Variants in PDSS2 observed in about 807,000 individuals in gnomAD.
PDSS2 encodes the protein decaprenyl diphosphate synthase subunit 2, also known as all trans-polyprenyl-diphosphate synthase PDSS2.
In PDSS2, 31 loss-of-function variants were observed where a neutral mutation model predicts 44.5. The observed-to-expected ratio is 0.70, with a 90% CI of 0.52 to 0.94. PDSS2 has a LOEUF of 0.94. Among genes scored for constraint, PDSS2 ranks in the 40% least tolerant of loss-of-function variants. The pLI is 0.00. For synonymous variants in PDSS2, 157 were observed against 180.3 expected, an observed-to-expected ratio of 0.87 and a Z score of 1.03; for missense variants, 452 against 482.2, an observed-to-expected ratio of 0.94 and a Z score of 0.59.
Position 107,277,978 on chromosome 6 carries a change from A to AAAAT in PDSS2, c.432-3755_432-3752dup, listed in dbSNP as rs531298621. Among the ~76,000 whole-genome samples the AAAAT allele has an allele frequency of 1.6e-3, 244 of 150,576 alleles. 4 individuals carry two copies. Among genetic ancestry groups the AAAAT allele is most frequent in the African/African-American group, 4.7e-3 (193 of 40,894 alleles). On this transcript the variant is annotated intron_variant, in intron 2 of 7. Transcript: ENST00000369037. ...CTGTCTCAAAAATAAATGAATAAAT[A>AAAAT]AAATAAATAAATAAATAAATAAATA... is the stretch of plus-strand genomic sequence containing the variant.
At chr6:107,367,989 G>A (rs760793420) in intron 1 of PDSS2, among the ~76,000 whole-genome samples, 8 of 151,926 alleles carry the variant, frequency 5.3e-5, no homozygotes, top group African/African-American at 2.4e-5. Flanking sequence ...TTGTATTTCA[G>A]GCCAAGCGCG....
chr6:107,405,504 C>G (rs1302096045), intron 1 of PDSS2, among the ~76,000 whole-genome samples: 1 of 151,856 alleles, frequency 6.6e-6, no homozygotes, highest in Non-Finnish European at 1.5e-5. Flanking sequence ...GGAAAAAAAA[C>G]TCACATATCA....
intron 2 of PDSS2, among the ~76,000 whole-genome samples, chr6:107,277,592 G>A (rs1775827314): frequency 6.6e-6 from 1 of 152,120 alleles, no homozygotes; most frequent in African/African-American, 2.4e-5. Flanking sequence ...CTATTACAAA[G>A]GTCCAAGGAA....
intron 1 of PDSS2, among the ~76,000 whole-genome samples, chr6:107,441,473 A>G (rs1331114117): frequency 6.6e-6 from 1 of 152,182 alleles, no homozygotes; most frequent in Non-Finnish European, 1.5e-5. Context: ...CCTCTGCACT[A>G]CATATAAGTG....
intron 1 of PDSS2, among the ~76,000 whole-genome samples, chr6:107,396,037 C>T (rs770141352): frequency 1.3e-4 from 20 of 152,150 alleles, no homozygotes; most frequent in African/African-American, 2.4e-4. Context: ...AAAGAACCCA[C>T]GTATTCTGTG....
intron 1 of PDSS2, among the ~76,000 whole-genome samples, chr6:107,360,516 T>A (rs866846825): frequency 2.0e-5 from 3 of 152,190 alleles, no homozygotes; most frequent in Admixed American, 2.0e-4. Context: ...GTTTATGAGA[T>A]AGGCTTGCCA....
intron 1 of PDSS2, among the ~76,000 whole-genome samples, chr6:107,413,813 G>A (rs1780577016): frequency 6.6e-6 from 1 of 152,152 alleles, no homozygotes. Context: ...CTACTTTTGT[G>A]TTCTTCAGGA....
intron 3 of PDSS2, among the ~76,000 whole-genome samples, chr6:107,253,967 T>C (rs1321809468): frequency 6.6e-6 from 1 of 151,998 alleles, no homozygotes; most frequent in African/African-American, 2.4e-5. Context: ...GTTTTGAGAC[T>C]AGCCTGGGCA....
intron 2 of PDSS2, among the ~76,000 whole-genome samples, chr6:107,317,442 G>T (rs1168106014): frequency 6.6e-6 from 1 of 152,168 alleles, no homozygotes; most frequent in Non-Finnish European, 1.5e-5. Context: ...ATGAACTACA[G>T]ACTTTAATGT....
intron 2 of PDSS2, among the ~76,000 whole-genome samples, chr6:107,308,766 T>TG (rs2115102427): frequency 6.6e-6 from 1 of 152,304 alleles, no homozygotes; most frequent in East Asian, 1.9e-4. Context: ...CATAATGTGC[T>TG]GGGGGGCTCC....
intron 4 of PDSS2, among the ~76,000 whole-genome samples, chr6:107,228,739 C>A (rs1344204039): frequency 6.7e-6 from 1 of 148,364 alleles, no homozygotes; most frequent in Non-Finnish European, 1.5e-5. Flanking sequence ...AACAAACAAA[C>A]AAACAAACAA....
chr6:107,202,459 C>A (rs2114579232), intron 6 of PDSS2, among the ~76,000 whole-genome samples: 1 of 152,190 alleles, frequency 6.6e-6, no homozygotes, highest in South Asian at 2.1e-4. Context: ...AGAAGGGTCA[C>A]AAATCAGAAA....
intron 1 of PDSS2, among the ~76,000 whole-genome samples, chr6:107,440,712 A>T (rs1444921828): frequency 6.6e-6 from 1 of 152,254 alleles, no homozygotes; most frequent in African/African-American, 2.4e-5. Flanking sequence ...GAAAAAGCAA[A>T]TGAGAGGCTT....
intron 2 of PDSS2, among the ~76,000 whole-genome samples, chr6:107,314,253 C>A (rs1777134837): frequency 6.6e-6 from 1 of 151,914 alleles, no homozygotes; most frequent in Non-Finnish European, 1.5e-5. Context: ...ACATGTTGGC[C>A]CTTATACTGA....
intron 1 of PDSS2, among the ~76,000 whole-genome samples, chr6:107,450,416 A>T (rs1009533320): frequency 6.6e-6 from 1 of 152,232 alleles, no homozygotes; most frequent in African/African-American, 2.4e-5. Context: ...AACATGAGAG[A>T]GAAAAATGGT....
At chr6:107,289,198 C>A (rs1025374242) in intron 2 of PDSS2, among the ~76,000 whole-genome samples, 3 of 150,850 alleles carry the variant, frequency 2.0e-5, no homozygotes, top group African/African-American at 7.3e-5. Context: ...CATGGTGAAA[C>A]CCCATCTCTA....
At chr6:107,406,811 A>G (rs1335946743) in intron 1 of PDSS2, among the ~76,000 whole-genome samples, 1 of 152,242 alleles carries the variant, frequency 6.6e-6, no homozygotes, top group East Asian at 1.9e-4. Flanking sequence ...CTTAAAGTTA[A>G]GCAGGTGAAG....
intron 7 of PDSS2, among the ~76,000 whole-genome samples, chr6:107,173,288 A>G (rs1771652582): frequency 6.6e-6 from 1 of 150,796 alleles, no homozygotes; most frequent in Non-Finnish European, 1.5e-5. Flanking sequence ...TGAACAGGAA[A>G]ACAGGCCAGG....
chr6:107,391,888 A>G (rs1041376478), intron 1 of PDSS2, among the ~76,000 whole-genome samples: 1 of 109,192 alleles, frequency 9.2e-6, no homozygotes. Flanking sequence ...TCAAACAAGT[A>G]CAAAAATAAA....
Sources: allele counts gnomAD v4.1 joint callset (sites outside exome capture counted in the v4.1 genomes callset), GRCh38; gene constraint gnomAD v4.1.1; transcripts MANE v1.5; gene names NCBI Gene and HGNC (gene_info 2026-07-23, HGNC 2026-07-21).